The following RAB40A variants were observed in gnomAD, a reference collection of about 807,000 sequenced individuals.
RAB40A encodes the protein RAB40A, member RAS oncogene family.
For synonymous variants in RAB40A, 65 were observed against 99.9 expected (o/e 0.65, Z 2.08); for missense variants, 145 against 230.2 (o/e 0.63, Z 2.40).
At chrX:103,503,589 G>A in intron 2 of RAB40A, 3 of 504,346 alleles carry the variant, frequency 5.9e-6, no homozygotes, top group Non-Finnish European at 7.3e-6. Flanking sequence ...AAAAAAAATG[G>A]AGATAGCTGT....
chrX:103,507,871 AC>A (rs2073264660), intron 2 of RAB40A, among the ~76,000 whole-genome samples: 1 of 111,768 alleles, frequency 8.9e-6, no homozygotes, highest in African/African-American at 3.3e-5. Context: ...TTTAAACTGC[AC>A]CTCTCACTGG....
intron 2 of RAB40A, among the ~76,000 whole-genome samples, chrX:103,516,225 A>G (rs2073315849): frequency 8.9e-6 from 1 of 112,106 alleles, no homozygotes; most frequent in Non-Finnish European, 1.9e-5. Flanking sequence ...TATCATAAAT[A>G]CAGACATTCC....
intron 2 of RAB40A, among the ~76,000 whole-genome samples, chrX:103,506,502 C>T (rs909997111): frequency 4.5e-5 from 5 of 111,982 alleles, no homozygotes; most frequent in Non-Finnish European, 9.4e-5. Context: ...ACATATTTTA[C>T]GACAAATGAA....
intron 2 of RAB40A, among the ~76,000 whole-genome samples, chrX:103,515,774 C>T (rs1224728912): frequency 8.9e-6 from 1 of 111,822 alleles, no homozygotes; most frequent in African/African-American, 3.3e-5. Flanking sequence ...CCCAAATACT[C>T]ACTAAAATAT....
In RAB40A at chrX:103,500,048, G is replaced by A. The variant is rs182368469; in HGVS notation, c.709C>T (p.Arg237Ter). Reference sequence around the variant, plus strand: ...GTGGTGAGGGAGTAGGAGAGGCCTCGCATCATCCTGGCATTCAGGCCCTTA... The same window carrying A: ...GTGGTGAGGGAGTAGGAGAGGCCTCACATCATCCTGGCATTCAGGCCCTTA... Reference protein sequence around the residue: ...MAKGLNARMMRGLSYSLTTSS... With the variant: ...MAKGLNARMM The change falls in exon 3 of 3, where the codon CGA becomes TGA. Residue 237 changes from arginine to a stop codon, truncating the protein, a stop_gained. Coordinates refer to ENST00000304236, the MANE Select transcript of RAB40A (RefSeq NM_080879.3). LOFTEE classifies it low-confidence loss of function (END_TRUNC). The A allele has an allele frequency of 2.6e-4, 316 of 1,210,458 alleles. No individual in the cohort carries two copies. In the East Asian group the frequency reaches 9.0e-3, roughly 35 times the overall value.
chrX:103,511,334 T>A (rs1264416474), intron 2 of RAB40A, among the ~76,000 whole-genome samples: 1 of 106,052 alleles, frequency 9.4e-6, no homozygotes, highest in Non-Finnish European at 1.9e-5. Context: ...CCATCTCTAC[T>A]AAAAAAAAAT....
chrX:103,501,475 C>T (rs1223064426), intron 2 of RAB40A: 2 of 123,317 alleles, frequency 1.6e-5, no homozygotes, highest in Non-Finnish European at 3.8e-5. Flanking sequence ...GGACATCTCC[C>T]ATAAATATAA....
chrX:103,500,849 A>C, intron 2 of RAB40A, 23 bp from the exon 3 acceptor site: 1 of 1,126,953 alleles, frequency 8.9e-7, no homozygotes, highest in Non-Finnish European at 1.2e-6. Flanking sequence ...TTAGCATAGA[A>C]CATAAAAAAT....
rs750142388 is a variant in RAB40A at position 103,500,013 on chromosome X, A to G, written c.744T>C (p.Thr248=). 8.3e-7 allele frequency: 1 copy of G among 1,207,204 alleles called. No individual in the cohort carries two copies. The highest frequency in any genetic ancestry group is 1.1e-6 in the Non-Finnish European group (1 of 892,515). ...CCACTTTGCAGAGGCTGCTCTTGTG[A>G]GTGGAGCTGGTGGTGAGGGAGTAGG... ...GLSYSLTTSS[T]HKSSLCKVEI... is the part of the protein sequence containing the mutation. Residue 248 remains threonine (T), a synonymous_variant, in exon 3 of 3, where the codon ACT becomes ACC. Coordinates refer to ENST00000304236, the MANE Select transcript of RAB40A (RefSeq NM_080879.3).
chrX:103,517,182 A>G (rs1454392021), intron 2 of RAB40A, among the ~76,000 whole-genome samples, 192 bp downstream of exon 2: 1 of 111,807 alleles, frequency 8.9e-6, no homozygotes, highest in Non-Finnish European at 1.9e-5. Flanking sequence ...TAGGAATAAT[A>G]ATAAAAGACA....
Position 103,519,422 on chromosome X carries a change from T to C in RAB40A, c.-275A>G, listed in dbSNP as rs965829707. 1.8e-5 allele frequency: 2 copies of C among 112,159 alleles called. No individual in the cohort carries two copies. Among genetic ancestry groups the C allele is most frequent in the Non-Finnish European group, 3.8e-5 (2 of 53,199 alleles). 9.2% of individuals were successfully genotyped at this position (112,159 alleles called of 1,213,427 possible). A position where few individuals can be genotyped will look rare whatever the true frequency, so the allele number is the denominator to read the frequency against. ...TGTGCTTGATACAGTTGACACTTCTTACCCTACAGGAGATTATTCAGCCTA... is the reference window on the plus strand; with the variant it reads ...TGTGCTTGATACAGTTGACACTTCTCACCCTACAGGAGATTATTCAGCCTA... On this transcript the variant is annotated 5_prime_UTR_variant, in exon 1 of 3. Transcript: ENST00000304236.
chrX:103,512,032 T>C (rs924597838), intron 2 of RAB40A, among the ~76,000 whole-genome samples: 1 of 110,842 alleles, frequency 9.0e-6, no homozygotes, highest in African/African-American at 3.3e-5. Flanking sequence ...AGCAACATCA[T>C]GGATCTATGG....
chrX:103,499,628 A>G lies in RAB40A; in HGVS notation c.*295T>C. 1 of 387,252 alleles carries G rather than the reference A, an allele frequency of 2.6e-6. No homozygotes were observed. Among genetic ancestry groups the G allele is most frequent in the Non-Finnish European group, 4.6e-6 (1 of 218,931 alleles). 31.9% of individuals were successfully genotyped at this position (387,252 alleles called of 1,213,427 possible). ...TTAAGGAAAAAGTTGCAGCGTGATTATGATATAAGTAACATTCAAAATTTC... is the reference window on the plus strand; with the variant it reads ...TTAAGGAAAAAGTTGCAGCGTGATTGTGATATAAGTAACATTCAAAATTTC... On this transcript the variant is annotated 3_prime_UTR_variant, in exon 3 of 3. Transcript: ENST00000304236.
rs2073210119 is a variant in RAB40A, at chrX:103,499,653, C to T, written c.*270G>A. The stretch of plus-strand genomic sequence containing the variant: ...ATGATATAAGTAACATTCAAAATTT[C>T]ACGTTATCAAGAGTTGAGCAAAGTA... On this transcript the variant is annotated 3_prime_UTR_variant, in exon 3 of 3. Coordinates refer to ENST00000304236, the MANE Select transcript of RAB40A (RefSeq NM_080879.3). The T allele has an allele frequency of 9.5e-6, 4 of 419,271 alleles. No individual in the cohort carries two copies. Among genetic ancestry groups the T allele is most frequent in the Middle Eastern group, 4.8e-4 (1 of 2,100 alleles). 34.6% of individuals were successfully genotyped at this position (419,271 alleles called of 1,213,427 possible).
Position 103,500,470 on chromosome X carries a change from A to G in RAB40A, c.287T>C (p.Ile96Thr), listed in dbSNP as rs2073218716. 5 of 1,208,215 alleles carry G rather than the reference A, an allele frequency of 4.1e-6. No homozygotes were observed. Among genetic ancestry groups the G allele is most frequent in the Non-Finnish European group, 4.5e-6 (4 of 894,387 alleles). ...GAQGVILVYDIANRWSFEGMD... is the reference protein window; with the variant it reads ...GAQGVILVYDTANRWSFEGMD... ...ACCCTCGAAAGACCAGCGGTTTGCA[A>G]TGTCGTAGACCAGGATCACTCCTTG... The change falls in exon 3 of 3, where the codon ATT becomes ACT. Residue 96 changes from isoleucine to threonine, a missense_variant. Ile to Thr is a moderately conservative substitution (Grantham distance 89). Transcript: ENST00000304236.
chrX:103,517,300 C>T (rs1326058194), intron 2 of RAB40A, 74 bp downstream of exon 2: 1 of 111,356 alleles, frequency 9.0e-6, no homozygotes, highest in Non-Finnish European at 1.9e-5. Context: ...CAAAAGCCCC[C>T]TCCCCTAACC....
chrX:103,500,906 G>C, intron 2 of RAB40A, 80 bp from the exon 3 acceptor site: 1 of 1,020,983 alleles, frequency 9.8e-7, no homozygotes, highest in Non-Finnish European at 1.3e-6. Flanking sequence ...TGGTGGCTTT[G>C]ATGGATTTCT....
chrX:103,499,536 G>C lies in RAB40A; in HGVS notation c.*387C>G. 4 of 251,171 alleles carry C rather than the reference G, an allele frequency of 1.6e-5. No individual in the cohort carries two copies. Among genetic ancestry groups the C allele is most frequent in the Non-Finnish European group, 2.9e-5 (4 of 138,160 alleles). 20.7% of individuals were successfully genotyped at this position (251,171 alleles called of 1,213,427 possible). ...ATGACTGAATTATCTCACTATCATT[G>C]CTTCTCAAATTTCCTTGAATTTATA... On this transcript the variant is annotated 3_prime_UTR_variant, in exon 3 of 3. Coordinates refer to ENST00000304236, the MANE Select transcript of RAB40A (RefSeq NM_080879.3).
intron 2 of RAB40A, among the ~76,000 whole-genome samples, chrX:103,509,754 G>C (rs1324060561): frequency 9.5e-6 from 1 of 104,792 alleles, no homozygotes; most frequent in African/African-American, 3.5e-5. Flanking sequence ...ATTATGACCA[G>C]TTTTTTCATC....
Sources: gnomAD v4.1 joint callset for allele counts (sites outside exome capture counted in the v4.1 genomes callset) on GRCh38, gnomAD v4.1.1 for gene constraint, MANE v1.5 for transcripts, NCBI Gene and HGNC (gene_info 2026-07-23, HGNC 2026-07-21) for gene names.